The following CADM2 variants were observed in gnomAD, a reference collection of about 807,000 sequenced individuals.
The protein encoded by CADM2 is immunoglobulin superfamily member 4D.
CADM2 carries 12 observed loss-of-function variants against 49.8 expected under a neutral mutation model. The observed-to-expected ratio is 0.24, with a 90% CI of 0.15 to 0.39. CADM2 has a LOEUF of 0.39. Ranked by LOEUF, CADM2 falls within the 10% of genes least tolerant of loss-of-function variation. The pLI, the probability that CADM2 is intolerant of heterozygous loss-of-function variation, is 1.00. For missense variants in CADM2, 378 were observed against 492.3 expected (o/e 0.77, Z 2.20); for synonymous variants, 214 against 175.4 (o/e 1.22, Z -1.74).
chr3:85,462,667 G>T (rs1311523138), intron 1 of CADM2, among the ~76,000 whole-genome samples: 1 of 152,022 alleles, frequency 6.6e-6, no homozygotes, highest in African/African-American at 2.4e-5. Context: ...ATGTCAAAAA[G>T]ATTCCATTAG....
At chr3:85,387,407 A>G (rs985133352) in intron 1 of CADM2, among the ~76,000 whole-genome samples, 24 of 152,146 alleles carry the variant, frequency 1.6e-4, no homozygotes, top group African/African-American at 5.8e-4. Flanking sequence ...TAGAAACACA[A>G]TCCTATCACT....
intron 1 of CADM2, among the ~76,000 whole-genome samples, chr3:85,312,200 T>C (rs1321048034): frequency 6.6e-6 from 1 of 152,184 alleles, no homozygotes; most frequent in Non-Finnish European, 1.5e-5. Flanking sequence ...CAATAGCTTA[T>C]TGAAGTACCT....
intron 8 of CADM2, chr3:86,014,014 C>T (rs1489834940): frequency 7.1e-7 from 1 of 1,400,568 alleles, no homozygotes. Context: ...TCTTTTTTCC[C>T]TTGATCACAA....
At chr3:85,068,005 G>C (rs750808049) in intron 1 of CADM2, among the ~76,000 whole-genome samples, 31 of 152,094 alleles carry the variant, frequency 2.0e-4, no homozygotes, top group Non-Finnish European at 4.1e-4. Flanking sequence ...GACAGGGATA[G>C]AGACAGCTTA....
At chr3:85,508,635 C>T (rs2040466703) in intron 1 of CADM2, among the ~76,000 whole-genome samples, 1 of 152,046 alleles carries the variant, frequency 6.6e-6, no homozygotes, top group Non-Finnish European at 1.5e-5. Context: ...ATCTCCTTAT[C>T]TGAGAAAAGA....
intron 1 of CADM2, among the ~76,000 whole-genome samples, chr3:85,097,999 A>G (rs1022348041): frequency 2.0e-5 from 3 of 152,312 alleles, no homozygotes; most frequent in East Asian, 1.9e-4. Context: ...TAAATTGGGG[A>G]AAATGGAATT....
At chr3:85,044,227 C>A (rs2035559195) in intron 1 of CADM2, among the ~76,000 whole-genome samples, 1 of 152,094 alleles carries the variant, frequency 6.6e-6, no homozygotes, top group Non-Finnish European at 1.5e-5. Flanking sequence ...TGAGAAGAAG[C>A]ATGTTTCCTA....
intron 8 of CADM2, among the ~76,000 whole-genome samples, chr3:86,020,128 G>T (rs1338041599): frequency 6.6e-6 from 1 of 152,064 alleles, no homozygotes; most frequent in Non-Finnish European, 1.5e-5. Flanking sequence ...GAATCAAATA[G>T]ATGCAATAAA....
In CADM2 at chr3:86,055,469, T is replaced by G. The variant is rs1057107664; in HGVS notation, c.971-10136T>G. On this transcript the variant is annotated intron_variant, in intron 8 of 9. Coordinates refer to ENST00000383699, the MANE Select transcript of CADM2 (RefSeq NM_001167675.2). ...ATCCCCTCTTTTTTTTTTTTTTTTT[T>G]TTTTTTTTTTGGTTTTAGAGGGATT... Among the ~76,000 whole-genome samples, 17 of 130,324 alleles carry G rather than the reference T, an allele frequency of 1.3e-4. 1 individual carries two copies. The South Asian group carries it at 3.4e-3, about 26-fold the overall frequency. 85.5% of individuals were successfully genotyped at this position (130,324 alleles called of 152,430 possible). A position where few individuals can be genotyped will look rare whatever the true frequency, so the allele number is the denominator to read the frequency against.
At chr3:85,190,705 C>T (rs557130027) in intron 1 of CADM2, among the ~76,000 whole-genome samples, 6 of 152,160 alleles carry the variant, frequency 3.9e-5, no homozygotes, top group Middle Eastern at 3.4e-3. Flanking sequence ...TACATCAATC[C>T]GAATCTCTGA....
At chr3:85,840,158 T>C (rs2074581488) in intron 3 of CADM2, among the ~76,000 whole-genome samples, 1 of 151,932 alleles carries the variant, frequency 6.6e-6, no homozygotes, top group Non-Finnish European at 1.5e-5. Context: ...ACTGCTCCTA[T>C]TGCATCAACT....
chr3:85,011,152 C>A (rs1174018044), intron 1 of CADM2, among the ~76,000 whole-genome samples: 5 of 151,960 alleles, frequency 3.3e-5, no homozygotes, highest in South Asian at 4.2e-4. Flanking sequence ...GCGTGAGCCA[C>A]CGCGCCCAGG....
chr3:86,063,815 C>T (rs1168486800), intron 8 of CADM2, among the ~76,000 whole-genome samples: 2 of 152,002 alleles, frequency 1.3e-5, no homozygotes, highest in South Asian at 2.1e-4. Context: ...TTTCACTGTC[C>T]GTTAAATAGA....
rs144799478 is a variant in CADM2, at chr3:85,140,178, G to A, written c.61+180510G>A. On this transcript the variant is annotated intron_variant, in intron 1 of 9. Coordinates refer to ENST00000383699, the MANE Select transcript of CADM2 (RefSeq NM_001167675.2). ...ATTTTCAAAAGCCTCCCACTCTACC[G>A]GGTTCTCTTGGATCACGTACAGTTA... Among the ~76,000 whole-genome samples, 42 of 152,198 alleles carry A rather than the reference G, an allele frequency of 2.8e-4. 1 individual carries two copies. The highest frequency in any genetic ancestry group is 9.4e-4 in the African/African-American group (39 of 41,550).
intron 1 of CADM2, among the ~76,000 whole-genome samples, chr3:85,120,091 A>T (rs759278973): frequency 1.3e-5 from 2 of 152,254 alleles, no homozygotes; most frequent in Non-Finnish European, 2.9e-5. Flanking sequence ...AAAAATGCTC[A>T]TTAACACTGG....
intron 1 of CADM2, among the ~76,000 whole-genome samples, chr3:85,044,804 C>CTTTT (rs56232557): frequency 1.0e-3 from 144 of 142,388 alleles, no homozygotes; most frequent in African/African-American, 3.4e-3. Flanking sequence ...TTTTTCTTTT[C>CTTTT]TTTTTTTTTT....
chr3:85,959,074 A>G (rs1203876896), intron 7 of CADM2, among the ~76,000 whole-genome samples: 2 of 151,136 alleles, frequency 1.3e-5, no homozygotes, highest in East Asian at 2.0e-4. Flanking sequence ...CTATATATCT[A>G]TATAGCTATA....
intron 1 of CADM2, among the ~76,000 whole-genome samples, chr3:85,711,910 G>A (rs2067131609): frequency 1.3e-5 from 2 of 152,074 alleles, no homozygotes; most frequent in African/African-American, 4.8e-5. Context: ...ATGATCACCA[G>A]TTGAGCTTCA....
At chr3:85,039,449 A>G (rs1049993972) in intron 1 of CADM2, among the ~76,000 whole-genome samples, 3 of 151,464 alleles carry the variant, frequency 2.0e-5, no homozygotes, top group Non-Finnish European at 4.4e-5. Context: ...TTCACCCTCC[A>G]CCTTATAGTT....
Sources: allele counts gnomAD v4.1 joint callset (sites outside exome capture counted in the v4.1 genomes callset), GRCh38; gene constraint gnomAD v4.1.1; transcripts MANE v1.5; gene names NCBI Gene and HGNC (gene_info 2026-07-23, HGNC 2026-07-21).